The following PHACTR4 variants were observed in gnomAD, a reference collection of about 807,000 sequenced individuals.
The protein encoded by PHACTR4 is phosphatase and actin regulator 4.
In PHACTR4, 51 loss-of-function variants were observed where a neutral mutation model predicts 72.7. That is an observed-to-expected ratio of 0.70 (90% CI 0.56 to 0.89). The LOEUF is 0.89. PHACTR4 is among the 40% of genes least tolerant of loss of function. The pLI, the probability that PHACTR4 is intolerant of heterozygous loss-of-function variation, is 0.00. For synonymous variants in PHACTR4, 255 were observed against 302.5 expected (o/e 0.84, Z 1.63); for missense variants, 731 against 861.8 (o/e 0.85, Z 1.90).
chr1:28,446,746 T>C (rs1657500206), intron 2 of PHACTR4, among the ~76,000 whole-genome samples: 1 of 151,892 alleles, frequency 6.6e-6, no homozygotes, highest in Non-Finnish European at 1.5e-5. Context: ...GCCACTGTAC[T>C]CCAGCCTGGG....
At chr1:28,474,820 AGT>A (rs1212372142) in intron 7 of PHACTR4, among the ~76,000 whole-genome samples, 2 of 152,100 alleles carry the variant, frequency 1.3e-5, no homozygotes, top group Non-Finnish European at 2.9e-5. Flanking sequence ...TGGGATTGCA[AGT>A]GTGAGCCACC....
intron 1 of PHACTR4, among the ~76,000 whole-genome samples, chr1:28,386,888 C>CT (rs1278371472): frequency 6.6e-6 from 1 of 151,982 alleles, no homozygotes; most frequent in African/African-American, 2.4e-5. Flanking sequence ...TCTTGTTTAC[C>CT]TGAGTATAGG....
At chr1:28,455,073 T>C (rs1041990915) in intron 2 of PHACTR4, among the ~76,000 whole-genome samples, 1 of 152,008 alleles carries the variant, frequency 6.6e-6, no homozygotes, top group Non-Finnish European at 1.5e-5. Context: ...TTTCCTCATG[T>C]TGGCCAGGCT....
chr1:28,376,765 T>C (rs903164420), intron 1 of PHACTR4, among the ~76,000 whole-genome samples: 1 of 151,874 alleles, frequency 6.6e-6, no homozygotes, highest in Non-Finnish European at 1.5e-5. Context: ...GCCTCCCAAG[T>C]AGCTGGGACT....
chr1:28,496,485 A>G (rs753722434), intron 13 of PHACTR4, 49 bp from the exon 14 acceptor site: 16 of 1,600,546 alleles, frequency 1.0e-5, no homozygotes, highest in African/African-American at 1.3e-5. Flanking sequence ...ATTAATAGCA[A>G]AGCAATGTAC....
At chr1:28,433,894 C>A (rs1656458035) in intron 2 of PHACTR4, among the ~76,000 whole-genome samples, 1 of 152,176 alleles carries the variant, frequency 6.6e-6, no homozygotes, top group South Asian at 2.1e-4. Flanking sequence ...CATTCTCCTG[C>A]CTCAGCCTCC....
Position 28,440,267 on chromosome 1 carries a change from A to T in PHACTR4, c.17-18818A>T, listed in dbSNP as rs1316438244. On this transcript the variant is annotated intron_variant, in intron 2 of 13. Transcript: ENST00000373839. Reference sequence around the variant, plus strand: ...CAGTGAGCCGAGATCGTGCCACTGCACTCCAGCCTGGGCGACAGAGCGAAA... The same window carrying T: ...CAGTGAGCCGAGATCGTGCCACTGCTCTCCAGCCTGGGCGACAGAGCGAAA... Among the ~76,000 whole-genome samples the T allele has an allele frequency of 8.2e-5, 11 of 133,534 alleles. No homozygotes were observed. In the Admixed American group the frequency reaches 9.0e-4, roughly 11 times the overall value. 87.6% of individuals were successfully genotyped at this position (133,534 alleles called of 152,430 possible).
At position 28,460,410 on chromosome 1, in the gene PHACTR4, T is replaced by C. The variant is rs1658713215; in HGVS notation, c.271+118T>C. ...ATATTGCTATTTTTGGGTTGGAGGG[T>C]GGCCTTTAAAAAAAAAAGTTCACCC... On this transcript the variant is annotated intron_variant, in intron 4 of 13. Coordinates refer to ENST00000373839, the MANE Select transcript of PHACTR4 (RefSeq NM_001048183.3). 5 of 712,944 alleles carry C rather than the reference T, an allele frequency of 7.0e-6. No individual in the cohort carries two copies. The East Asian group carries it at 1.2e-4, about 17-fold the overall frequency. The allele number at this position is 712,944 out of a possible 1,614,324, so 44.2% of individuals were successfully genotyped here.
At chr1:28,438,583 G>A (rs61783845) in intron 2 of PHACTR4, among the ~76,000 whole-genome samples, 58,659 of 151,960 alleles carry the variant, frequency 0.39, 13,021 homozygotes, top group African/African-American at 0.6. Flanking sequence ...GAAGTCATGC[G>A]GAACATGGCG....
rs528902899 is a variant in PHACTR4, at chr1:28,490,424, C to T, written c.1817-527C>T. ...GCGGGCGCCTGTAGTCCCAGCTACT[C>T]GGGAGGCTGAGGCAGGAGAATGGCG... On this transcript the variant is annotated intron_variant, in intron 10 of 13. Coordinates refer to ENST00000373839, the MANE Select transcript of PHACTR4 (RefSeq NM_001048183.3). Among the ~76,000 whole-genome samples the T allele has an allele frequency of 5.3e-5, 8 of 151,214 alleles. No homozygotes were observed. The South Asian group carries it at 1.2e-3, about 24-fold the overall frequency.
At chr1:28,414,512 G>A (rs1654988864) in intron 2 of PHACTR4, among the ~76,000 whole-genome samples, 1 of 149,114 alleles carries the variant, frequency 6.7e-6, no homozygotes, top group Admixed American at 6.7e-5. Context: ...CAAGTAGCTG[G>A]GACTATAGGC....
At chr1:28,441,729 T>C (rs1258135077) in intron 2 of PHACTR4, among the ~76,000 whole-genome samples, 2 of 152,240 alleles carry the variant, frequency 1.3e-5, no homozygotes, top group African/African-American at 4.8e-5. Flanking sequence ...GTGCATTGGT[T>C]CGTGTCTATA....
intron 7 of PHACTR4, 24 bp from the exon 8 acceptor site, chr1:28,476,083 A>G (rs781026978): frequency 6.4e-7 from 1 of 1,574,146 alleles, no homozygotes; most frequent in Non-Finnish European, 8.6e-7. Flanking sequence ...CTAAAAGGAA[A>G]ATATAATTAT....
chr1:28,425,726 C>T (rs189848627), intron 2 of PHACTR4, among the ~76,000 whole-genome samples: 30 of 152,182 alleles, frequency 2.0e-4, no homozygotes, highest in Non-Finnish European at 3.7e-4. Context: ...AGGTTTCTTT[C>T]TCACTCACTT....
chr1:28,442,141 A>G (rs1217088115), intron 2 of PHACTR4, among the ~76,000 whole-genome samples: 2 of 152,204 alleles, frequency 1.3e-5, no homozygotes, highest in African/African-American at 4.8e-5. Flanking sequence ...ACAAGACCGA[A>G]GAATTTTTTC....
At chr1:28,399,406 T>A (rs768414266) in intron 1 of PHACTR4, among the ~76,000 whole-genome samples, 4 of 152,244 alleles carry the variant, frequency 2.6e-5, no homozygotes, top group African/African-American at 4.8e-5. Context: ...TGTTAAGTGA[T>A]ATGGCATGAT....
intron 1 of PHACTR4, among the ~76,000 whole-genome samples, chr1:28,379,226 AT>A: frequency 6.6e-6 from 1 of 150,968 alleles, no homozygotes; most frequent in Middle Eastern, 3.5e-3. Flanking sequence ...AAGTGCTTGA[AT>A]TACACGCATG....
intron 2 of PHACTR4, among the ~76,000 whole-genome samples, chr1:28,436,644 CAGGTTATGTGG>C (rs1261079929): frequency 3.3e-5 from 5 of 151,962 alleles, no homozygotes; most frequent in Non-Finnish European, 5.9e-5. Context: ...TGGAATAATC[CAGGTTATGTGG>C]AGGTTATGTT....
intron 13 of PHACTR4, among the ~76,000 whole-genome samples, chr1:28,494,063 C>T (rs1456186848): frequency 3.3e-5 from 5 of 152,008 alleles, no homozygotes; most frequent in Non-Finnish European, 7.4e-5. Flanking sequence ...AGAACATTTA[C>T]AAAAAGAGGC....
Sources: gnomAD v4.1 joint callset for allele counts (sites outside exome capture counted in the v4.1 genomes callset) on GRCh38, gnomAD v4.1.1 for gene constraint, MANE v1.5 for transcripts, NCBI Gene and HGNC (gene_info 2026-07-23, HGNC 2026-07-21) for gene names.